Variants in DCK observed in about 807,000 individuals in gnomAD.
The protein encoded by DCK is deoxyadenosine kinase.
Under a neutral mutation model 38.3 loss-of-function variants are expected in DCK, and 23 were observed. The ratio of observed to expected loss-of-function variants is 0.60; its 90% confidence interval spans 0.43 to 0.85. The LOEUF is 0.85. Among genes scored for constraint, DCK ranks in the 40% least tolerant of loss-of-function variants. The pLI is 0.00. For synonymous variants in DCK, 108 were observed against 100.6 expected (o/e 1.07, Z -0.44); for missense variants, 259 against 304.4 (o/e 0.85, Z 1.11).
In DCK at chr4:71,030,207, G is replaced by T. The variant is rs971155676; in HGVS notation, c.*829G>T. ...GGCTAGAAAGCATCCATTAATTAAT[G>T]AGACACACTTAACTACTTATCTCTA... On this transcript the variant is annotated 3_prime_UTR_variant, in exon 7 of 7. Coordinates refer to ENST00000286648, the MANE Select transcript of DCK (RefSeq NM_000788.3). The T allele has an allele frequency of 6.6e-6, 1 of 152,526 alleles. No individual in the cohort carries two copies. The highest frequency in any genetic ancestry group is 1.5e-5 in the Non-Finnish European group (1 of 68,014). 9.4% of individuals were successfully genotyped at this position (152,526 alleles called of 1,614,324 possible).
chr4:70,998,319 A>T, intron 2 of DCK, 137 bp downstream of exon 2: 1 of 474,692 alleles, frequency 2.1e-6, no homozygotes, highest in Non-Finnish European at 3.7e-6. Flanking sequence ...GGTGGTGGTT[A>T]CATGGATATA....
chr4:71,023,435 T>C, intron 3 of DCK, 124 bp from the exon 4 acceptor site: 2 of 634,992 alleles, frequency 3.1e-6, no homozygotes, highest in East Asian at 6.0e-5. Flanking sequence ...CTTGTCTTTT[T>C]CTGCTTTCCA....
intron 4 of DCK, among the ~76,000 whole-genome samples, chr4:71,025,281 A>G (rs981689633): frequency 1.3e-5 from 2 of 152,106 alleles, no homozygotes; most frequent in Admixed American, 1.3e-4. Context: ...CCATATTTCA[A>G]GTGCTTAAAA....
intron 6 of DCK, among the ~76,000 whole-genome samples, chr4:71,029,019 A>C (rs1281969163): frequency 1.3e-5 from 2 of 152,216 alleles, no homozygotes; most frequent in African/African-American, 4.8e-5. Context: ...GGCCTCCCAA[A>C]GTGCTGGGAT....
rs559742942 is a variant in DCK at position 71,021,108 on chromosome 4, G to A, written c.208-1259G>A. Among the ~76,000 whole-genome samples, 7 of 128,242 alleles carry A rather than the reference G, an allele frequency of 5.5e-5. No homozygotes were observed. In the East Asian group the frequency reaches 9.4e-4, roughly 17 times the overall value. The allele number at this position is 128,242 out of a possible 152,430, so 84.1% of individuals were successfully genotyped here. Reference sequence around the variant, plus strand: ...TTTTGAGACGGAGTCTCGCTCTGTCGCCCAGGCTGGACTGCGGACTGCAGT... The same window carrying A: ...TTTTGAGACGGAGTCTCGCTCTGTCACCCAGGCTGGACTGCGGACTGCAGT... On this transcript the variant is annotated intron_variant, in intron 2 of 6. Transcript: ENST00000286648.
chr4:71,011,330 C>A (rs958868094), intron 2 of DCK, among the ~76,000 whole-genome samples: 18 of 150,052 alleles, frequency 1.2e-4, no homozygotes, highest in African/African-American at 3.9e-4. Context: ...AAAGCACTTC[C>A]ACTTGTACCT....
At chr4:71,002,272 C>T (rs939458160) in intron 2 of DCK, among the ~76,000 whole-genome samples, 1 of 152,162 alleles carries the variant, frequency 6.6e-6, no homozygotes, top group Non-Finnish European at 1.5e-5. Context: ...TGTAGTTGTG[C>T]AGTTTTGAGT....
At chr4:71,011,430 C>G (rs1270903005) in intron 2 of DCK, among the ~76,000 whole-genome samples, 6 of 152,110 alleles carry the variant, frequency 3.9e-5, no homozygotes, top group Non-Finnish European at 8.8e-5. Flanking sequence ...AACCTCAGCC[C>G]ACTGCAGCCT....
In DCK at chr4:71,029,671, A is replaced by G. The variant is rs181308455; in HGVS notation, c.*293A>G. On this transcript the variant is annotated 3_prime_UTR_variant, in exon 7 of 7. Transcript: ENST00000286648. Reference sequence around the variant, plus strand: ...TAGTGACTAAACTACATTATAAAAGATCCAGCTTCCTTCTGTCATTCCCCT... The same window carrying G: ...TAGTGACTAAACTACATTATAAAAGGTCCAGCTTCCTTCTGTCATTCCCCT... The G allele has an allele frequency of 2.2e-5, 6 of 278,096 alleles. No individual in the cohort carries two copies. Among genetic ancestry groups the G allele is most frequent in the East Asian group, 1.6e-4 (2 of 12,384 alleles). 17.2% of individuals were successfully genotyped at this position (278,096 alleles called of 1,614,324 possible). A position where few individuals can be genotyped will look rare whatever the true frequency, so the allele number is the denominator to read the frequency against.
At chr4:71,016,935 G>T (rs1484244419) in intron 2 of DCK, among the ~76,000 whole-genome samples, 2 of 152,172 alleles carry the variant, frequency 1.3e-5, no homozygotes, top group African/African-American at 4.8e-5. Flanking sequence ...TGACAAATGG[G>T]ATCTAATTAA....
chr4:71,001,468 G>A (rs1002254802), intron 2 of DCK, among the ~76,000 whole-genome samples: 9 of 152,062 alleles, frequency 5.9e-5, no homozygotes, highest in African/African-American at 1.9e-4. Flanking sequence ...TTGTGTCTCT[G>A]CCAGGTTTTT....
chr4:71,018,271 C>T (rs1047332113), intron 2 of DCK, among the ~76,000 whole-genome samples: 1 of 151,744 alleles, frequency 6.6e-6, no homozygotes, highest in East Asian at 1.9e-4. Context: ...AGACTACAGG[C>T]GCCTGCCACC....
intron 2 of DCK, among the ~76,000 whole-genome samples, chr4:71,012,207 T>C (rs1323061666): frequency 6.6e-6 from 1 of 152,072 alleles, no homozygotes; most frequent in Non-Finnish European, 1.5e-5. Flanking sequence ...AAGGCGGCAG[T>C]GAGGCTGGGG....
intron 2 of DCK, among the ~76,000 whole-genome samples, chr4:71,014,441 TCCACC>T (rs1740199579): frequency 1.3e-5 from 2 of 152,220 alleles, no homozygotes; most frequent in South Asian, 4.1e-4. Flanking sequence ...TACAGAACTC[TCCACC>T]CCAAATCAAC....
chr4:71,025,735 C>T, intron 4 of DCK, 81 bp from the exon 5 acceptor site: 1 of 1,470,222 alleles, frequency 6.8e-7, no homozygotes, highest in Non-Finnish European at 9.0e-7. Flanking sequence ...TAGAGAGACA[C>T]AGAAAAGAAA....
chr4:71,010,938 T>C (rs1472121851), intron 2 of DCK, among the ~76,000 whole-genome samples: 1 of 151,174 alleles, frequency 6.6e-6, no homozygotes, highest in Non-Finnish European at 1.5e-5. Context: ...AATAAGTCAT[T>C]CTTTTTTTTT....
rs1420325869 is a variant in DCK, at chr4:71,030,075, TTC to T, written c.*701_*702del. 1 of 152,640 alleles carries T rather than the reference TTC, an allele frequency of 6.6e-6. No individual in the cohort carries two copies. Among genetic ancestry groups the T allele is most frequent in the East Asian group, 1.9e-4 (1 of 5,200 alleles). 9.5% of individuals were successfully genotyped at this position (152,640 alleles called of 1,614,324 possible). On this transcript the variant is annotated 3_prime_UTR_variant, in exon 7 of 7. Coordinates refer to ENST00000286648, the MANE Select transcript of DCK (RefSeq NM_000788.3). ...TTTGTAGGGTTCTGCTTTTAAGTTT[TTC>T]TCTTTTTCAGACAAATTACTGATAA...
chr4:71,026,451 C>G (rs1464033049), intron 5 of DCK, among the ~76,000 whole-genome samples: 2 of 151,958 alleles, frequency 1.3e-5, no homozygotes, highest in Admixed American at 1.3e-4. Context: ...GTTACAGTAC[C>G]CAGCTGTATA....
chr4:71,006,286 AT>A, intron 2 of DCK: 3 of 938,248 alleles, frequency 3.2e-6, no homozygotes, highest in Non-Finnish European at 3.8e-6. Context: ...ATTTTGCAGC[AT>A]TTTACCGTTC....
Sources: allele counts gnomAD v4.1 joint callset (sites outside exome capture counted in the v4.1 genomes callset), GRCh38; gene constraint gnomAD v4.1.1; transcripts MANE v1.5; gene names NCBI Gene and HGNC (gene_info 2026-07-23, HGNC 2026-07-21).